The following EXOSC1 variants were observed in gnomAD, a reference collection of about 807,000 sequenced individuals.
EXOSC1 encodes exosome component 1.
In EXOSC1, 27 loss-of-function variants were observed where a neutral mutation model predicts 31.4. That is an observed-to-expected ratio of 0.86 (90% CI 0.63 to 1.18). EXOSC1 has a LOEUF of 1.18. EXOSC1 is among the 50% of genes most tolerant of loss of function. The pLI, the probability that EXOSC1 is intolerant of heterozygous loss-of-function variation, is 0.00. For missense variants in EXOSC1, 228 were observed against 250.3 expected, an observed-to-expected ratio of 0.91 and a Z score of 0.60; for synonymous variants, 84 against 89.5, an observed-to-expected ratio of 0.94 and a Z score of 0.35.
chr10:97,438,601 G>T, intron 5 of EXOSC1, 69 bp downstream of exon 5: 1 of 1,432,758 alleles, frequency 7.0e-7, no homozygotes, highest in Non-Finnish European at 9.7e-7. Context: ...GACCATGCCT[G>T]GCCTGAGATA....
At chr10:97,443,954 G>C (rs563565311) in intron 2 of EXOSC1, 1 of 152,054 alleles carries the variant, frequency 6.6e-6, no homozygotes, top group African/African-American at 2.4e-5. Flanking sequence ...CACCATGCTC[G>C]GGTAATTTTT....
At chr10:97,442,670 G>C (rs151193016) in intron 3 of EXOSC1, among the ~76,000 whole-genome samples, 2 of 152,192 alleles carry the variant, frequency 1.3e-5, no homozygotes, top group East Asian at 1.9e-4. Flanking sequence ...TACCATGCCT[G>C]GCTAATTTTT....
intron 4 of EXOSC1, among the ~76,000 whole-genome samples, chr10:97,440,558 C>T (rs934556950): frequency 6.7e-6 from 1 of 149,878 alleles, no homozygotes; most frequent in Non-Finnish European, 1.5e-5. Flanking sequence ...TCGCTCTGTC[C>T]CCCAGGCTGG....
At chr10:97,441,344 T>C in intron 3 of EXOSC1, 85 bp from the exon 4 acceptor site, 1 of 1,095,068 alleles carries the variant, frequency 9.1e-7, no homozygotes, top group South Asian at 1.3e-5. Context: ...TTACTAGGGC[T>C]TCAGTGCAAG....
chr10:97,441,156 A>C lies in EXOSC1; in HGVS notation c.311+15T>G. On this transcript the variant is annotated intron_variant, in intron 4 of 7. Coordinates refer to ENST00000370902, the MANE Select transcript of EXOSC1 (RefSeq NM_016046.5). ...TTCCAGTTGCTAAGGTATATGTGAAAAGGATACTTCTTACCGGATAGTTCC... is the reference window on the plus strand; with the variant it reads ...TTCCAGTTGCTAAGGTATATGTGAACAGGATACTTCTTACCGGATAGTTCC... 1 of 1,607,070 alleles carries C rather than the reference A, an allele frequency of 6.2e-7. No individual in the cohort carries two copies. The highest frequency in any genetic ancestry group is 8.5e-7 in the Non-Finnish European group (1 of 1,173,804).
At chr10:97,442,827 T>G (rs1050253857) in intron 3 of EXOSC1, among the ~76,000 whole-genome samples, 3 of 152,062 alleles carry the variant, frequency 2.0e-5, no homozygotes, top group Non-Finnish European at 4.4e-5. Context: ...ATTACAGGCA[T>G]GCACCACCAC....
chr10:97,445,600 G>A, intron 2 of EXOSC1, 132 bp downstream of exon 2: 1 of 776,996 alleles, frequency 1.3e-6, no homozygotes, highest in South Asian at 1.8e-5. Flanking sequence ...GATACGGCTA[G>A]AAGAAACTAA....
chr10:97,445,590 G>C, intron 2 of EXOSC1, 142 bp downstream of exon 2: 1 of 716,280 alleles, frequency 1.4e-6, no homozygotes, highest in Non-Finnish European at 2.3e-6. Context: ...CCACAGCGGC[G>C]ATACGGCTAG....
chr10:97,445,911 C>T (rs757864257), intron 1 of EXOSC1, 44 bp downstream of exon 1: 7 of 1,613,888 alleles, frequency 4.3e-6, no homozygotes, highest in Non-Finnish European at 5.1e-6. Context: ...AGCCTTCTTG[C>T]TTCAGCCCCT....
chr10:97,437,297 A>G, intron 6 of EXOSC1, 22 bp from the exon 7 acceptor site: 2 of 1,587,542 alleles, frequency 1.3e-6, no homozygotes, highest in Non-Finnish European at 1.7e-6. Context: ...ACACCGGTGA[A>G]GGAAAATGAG....
At chr10:97,438,738 C>T (rs748262882) in intron 4 of EXOSC1, 35 bp from the exon 5 acceptor site, 19 of 1,471,670 alleles carry the variant, frequency 1.3e-5, no homozygotes, top group Non-Finnish European at 1.6e-5. Context: ...GATTAATTAC[C>T]TGTGAGAAAG....
intron 3 of EXOSC1, among the ~76,000 whole-genome samples, chr10:97,442,670 G>A (rs151193016): frequency 6.6e-6 from 1 of 152,074 alleles, no homozygotes; most frequent in Non-Finnish European, 1.5e-5. Flanking sequence ...TACCATGCCT[G>A]GCTAATTTTT....
intron 3 of EXOSC1, among the ~76,000 whole-genome samples, chr10:97,442,806 G>A (rs1845758980): frequency 2.0e-5 from 3 of 151,982 alleles, no homozygotes; most frequent in Admixed American, 2.0e-4. Context: ...TCAGCCTCCC[G>A]AGTAGCTGGG....
chr10:97,445,760 C>G lies in EXOSC1; in HGVS notation c.119G>C (p.Cys40Ser), dbSNP rs751517308. ...HGYIFSSLAG[C>S]LMKSSENGAL... ...GCCATTCTCGCTGCTCTTCATCAGA[C>G]AGCCGGCAAGCGACGAAAAGATGTA... Residue 40 changes from cysteine to serine, a missense_variant, in exon 2 of 8, where the codon TGT becomes TCT. Cys to Ser is a moderately radical substitution (Grantham distance 112). Coordinates refer to ENST00000370902, the MANE Select transcript of EXOSC1 (RefSeq NM_016046.5). The G allele has an allele frequency of 7.4e-6, 12 of 1,613,862 alleles. No homozygotes were observed. In the South Asian group the frequency reaches 1.2e-4, roughly 16 times the overall value.
Position 97,443,228 on chromosome 10 carries a change from C to T in EXOSC1, c.222+9G>A, listed in dbSNP as rs1236995185. 1.2e-6 allele frequency: 2 copies of T among 1,612,712 alleles called. No individual in the cohort carries two copies. The highest frequency in any genetic ancestry group is 1.7e-6 in the Non-Finnish European group (2 of 1,179,206). The stretch of plus-strand genomic sequence containing the variant: ...GGCATTCTAAGCATGGAGGTCAGGA[C>T]CAACTTACCTTACAGGTTACAATAG... On this transcript the variant is annotated intron_variant, in intron 3 of 7. Transcript: ENST00000370902.
At chr10:97,438,899 G>A (rs1482129866) in intron 4 of EXOSC1, among the ~76,000 whole-genome samples, 196 bp from the exon 5 acceptor site, 4 of 151,772 alleles carry the variant, frequency 2.6e-5, no homozygotes, top group Non-Finnish European at 5.9e-5. Context: ...TTACAGGCAC[G>A]TCCGCCATGC....
chr10:97,443,581 G>A (rs997123546), intron 2 of EXOSC1, among the ~76,000 whole-genome samples: 2 of 152,170 alleles, frequency 1.3e-5, no homozygotes, highest in African/African-American at 2.4e-5. Context: ...GGAGTGCAGT[G>A]GCACGATCTC....
chr10:97,445,578 C>T (rs572279406), intron 2 of EXOSC1, 154 bp downstream of exon 2: 3 of 672,170 alleles, frequency 4.5e-6, no homozygotes, highest in East Asian at 2.7e-5. Context: ...TGGCTAAGTG[C>T]ACCACAGCGG....
chr10:97,436,633 A>G (rs1398541712), intron 7 of EXOSC1, 82 bp from the exon 8 acceptor site: 1 of 1,302,236 alleles, frequency 7.7e-7, no homozygotes, highest in Non-Finnish European at 1.0e-6. Flanking sequence ...ATGAAGCTGA[A>G]GTGCCACCAA....
Sources: allele counts gnomAD v4.1 joint callset (sites outside exome capture counted in the v4.1 genomes callset), GRCh38; gene constraint gnomAD v4.1.1; transcripts MANE v1.5; gene names NCBI Gene and HGNC (gene_info 2026-07-23, HGNC 2026-07-21).